ANKS3: variants seen among roughly 807,000 people sequenced by gnomAD.
ANKS3 encodes the protein ankyrin repeat and SAM domain-containing protein 3.
ANKS3 carries 62 observed loss-of-function variants against 80.7 expected under a neutral mutation model. The ratio of observed to expected loss-of-function variants is 0.77; its 90% CI spans 0.63 to 0.95. ANKS3 has a LOEUF of 0.95. ANKS3 is among the 40% of genes least tolerant of loss of function. The probability of loss-of-function intolerance (pLI) is 0.00; values close to 1 mark genes in which losing one functional copy is unlikely to be tolerated. For missense variants in ANKS3, 1,150 were observed against 883.6 expected (o/e 1.30, Z -3.82); for synonymous variants, 489 against 355.3 (o/e 1.38, Z -4.23).
intron 1 of ANKS3, among the ~76,000 whole-genome samples, chr16:4,732,158 C>T (rs2081651909): frequency 1.4e-5 from 2 of 145,222 alleles, no homozygotes; most frequent in Admixed American, 1.4e-4. Context: ...CAAAGCCCTC[C>T]TTCCTGGAGC....
At chr16:4,697,547 G>C in intron 15 of ANKS3, 131 bp from the exon 16 acceptor site, 1 of 734,772 alleles carries the variant, frequency 1.4e-6, no homozygotes, top group South Asian at 2.0e-5. Context: ...CAGTGTCTAA[G>C]CAACCTCCCA....
Position 4,702,187 on chromosome 16 carries a change from C to T in ANKS3, c.924G>A (p.Leu308=). The change falls in exon 9 of 18, where the codon CTG becomes CTA. Residue 308 remains leucine (L), a synonymous_variant. Coordinates refer to ENST00000304283, the MANE Select transcript of ANKS3 (RefSeq NM_133450.4). ...VTFNSSGENP[L]EEEGLCCRDV... is the part of the protein sequence containing the mutation. ...CCCGGCAGCAGAGGCCCTCTTCTTC[C>T]AGGGGGTTCTCGCCACTGCTGTTGA... The T allele has an allele frequency of 6.3e-7, 1 of 1,594,598 alleles. No individual in the cohort carries two copies. Among genetic ancestry groups the T allele is most frequent in the South Asian group, 1.1e-5 (1 of 89,222 alleles).
At chr16:4,711,098 ATTT>A (rs35899381) in intron 7 of ANKS3, among the ~76,000 whole-genome samples, 13 of 104,468 alleles carry the variant, frequency 1.2e-4, no homozygotes, top group African/African-American at 3.0e-4. Flanking sequence ...CTGAAACAGA[ATTT>A]TTTTTTTTTT....
intron 6 of ANKS3, among the ~76,000 whole-genome samples, chr16:4,717,198 C>T (rs1451203348): frequency 2.6e-5 from 4 of 151,936 alleles, no homozygotes; most frequent in African/African-American, 7.3e-5. Context: ...GCCAAGATCA[C>T]GCCACTGCAC....
intron 6 of ANKS3, among the ~76,000 whole-genome samples, chr16:4,717,958 G>A (rs574040721): frequency 4.6e-5 from 7 of 152,022 alleles, no homozygotes; most frequent in Non-Finnish European, 1.0e-4. Flanking sequence ...ACCACGCCCC[G>A]CTAATGGGGT....
intron 6 of ANKS3, among the ~76,000 whole-genome samples, chr16:4,723,592 C>A (rs1347468643): frequency 6.6e-6 from 1 of 152,194 alleles, no homozygotes; most frequent in Non-Finnish European, 1.5e-5. Flanking sequence ...CCAGCCCAGC[C>A]TAACGCATCA....
In ANKS3 at chr16:4,699,074, C is replaced by T. The variant is rs781451809; in HGVS notation, c.1387G>A (p.Asp463Asn). 11 of 1,614,160 alleles carry T rather than the reference C, an allele frequency of 6.8e-6. No homozygotes were observed. Among genetic ancestry groups the T allele is most frequent in the Admixed American group, 3.3e-5 (2 of 60,018 alleles). Residue 463 changes from aspartate to asparagine, a missense_variant, in exon 12 of 18, where the codon GAC (aspartate) becomes AAC (asparagine). Coordinates refer to ENST00000304283, the MANE Select transcript of ANKS3 (RefSeq NM_133450.4). ...CACGTGATGCCAATTTCCTTCAGGT[C>T]GCTCTCAGTGAGGGTCAGAAAGATG... The part of the protein sequence containing the change: ...LRIFLTLTES[D>N]LKEIGITLFG...
chr16:4,713,921 TG>T (rs973785987), intron 7 of ANKS3, 129 bp downstream of exon 7: 11 of 1,295,944 alleles, frequency 8.5e-6, no homozygotes, highest in Non-Finnish European at 1.0e-5. Flanking sequence ...TGTAAGCAGC[TG>T]GGGGAGGCAG....
intron 6 of ANKS3, among the ~76,000 whole-genome samples, chr16:4,716,186 T>A (rs1461471407): frequency 3.3e-5 from 5 of 151,374 alleles, no homozygotes; most frequent in Non-Finnish European, 7.4e-5. Context: ...TGAATCCTCA[T>A]CTCTACTACA....
intron 7 of ANKS3, among the ~76,000 whole-genome samples, chr16:4,708,114 G>GAA (rs758500621): frequency 8.9e-6 from 1 of 111,754 alleles, no homozygotes; most frequent in Non-Finnish European, 2.1e-5. Context: ...GACTACATCT[G>GAA]AAAAAAATAT....
intron 6 of ANKS3, among the ~76,000 whole-genome samples, chr16:4,721,197 C>T (rs2081073503): frequency 6.7e-6 from 1 of 149,422 alleles, no homozygotes. Flanking sequence ...CCCAGCTACT[C>T]GGGAGGCTGA....
chr16:4,707,726 T>C (rs2080272674), intron 7 of ANKS3, among the ~76,000 whole-genome samples: 1 of 152,158 alleles, frequency 6.6e-6, no homozygotes, highest in Admixed American at 6.5e-5. Flanking sequence ...TAAGAGTACA[T>C]AATCCTAAAT....
intron 6 of ANKS3, among the ~76,000 whole-genome samples, chr16:4,722,942 A>G (rs947226369): frequency 5.3e-5 from 8 of 152,136 alleles, no homozygotes; most frequent in Admixed American, 2.0e-4. Context: ...AAAAAAAAAA[A>G]AAGAAAAAAA....
chr16:4,709,853 A>C lies in ANKS3; in HGVS notation c.709+4198T>G, dbSNP rs189212229. Among the ~76,000 whole-genome samples the C allele has an allele frequency of 3.9e-5, 6 of 152,226 alleles. No homozygotes were observed. In the East Asian group the frequency reaches 1.2e-3, roughly 29 times the overall value. On this transcript the variant is annotated intron_variant, in intron 7 of 17. Coordinates refer to ENST00000304283, the MANE Select transcript of ANKS3 (RefSeq NM_133450.4). Reference sequence around the variant, plus strand: ...TAGCAAGACCCCGTCTCTACAAAAAAATAAAACATTAGCCAGGTGTGGTGG... The same window carrying C: ...TAGCAAGACCCCGTCTCTACAAAAACATAAAACATTAGCCAGGTGTGGTGG...
chr16:4,703,300 G>C (rs1160509849), intron 8 of ANKS3, among the ~76,000 whole-genome samples: 1 of 152,090 alleles, frequency 6.6e-6, no homozygotes, highest in African/African-American at 2.4e-5. Context: ...TTTTTGTAGA[G>C]ATAGGGTCTT....
intron 7 of ANKS3, among the ~76,000 whole-genome samples, chr16:4,707,286 T>G (rs897253348): frequency 1.3e-5 from 2 of 151,252 alleles, no homozygotes; most frequent in African/African-American, 4.9e-5. Flanking sequence ...GGACACTTTT[T>G]TTTTTTTTTT....
At chr16:4,701,222 A>T in intron 10 of ANKS3, 88 bp from the exon 11 acceptor site, 1 of 1,577,410 alleles carries the variant, frequency 6.3e-7, no homozygotes, top group Non-Finnish European at 8.6e-7. Context: ...GGGGCTTGAG[A>T]GGCTTCGTGA....
At chr16:4,700,806 C>T (rs1355912482) in intron 11 of ANKS3, 164 bp downstream of exon 11, 2 of 940,304 alleles carry the variant, frequency 2.1e-6, no homozygotes, top group Middle Eastern at 2.1e-4. Flanking sequence ...GGCTGCCAGC[C>T]ATGGAGCCGG....
intron 6 of ANKS3, among the ~76,000 whole-genome samples, chr16:4,719,489 T>C (rs1256199533): frequency 6.6e-6 from 1 of 152,120 alleles, no homozygotes; most frequent in Non-Finnish European, 1.5e-5. Context: ...GTCTAGTTCA[T>C]GTCAGCAGGA....
Sources: allele counts gnomAD v4.1 joint callset (sites outside exome capture counted in the v4.1 genomes callset), GRCh38; gene constraint gnomAD v4.1.1; transcripts MANE v1.5; gene names NCBI Gene and HGNC (gene_info 2026-07-23, HGNC 2026-07-21).